Variants in PID1 observed in about 807,000 individuals in gnomAD.
PID1 encodes phosphotyrosine interaction domain containing 1, also known as PTB-containing, cubilin and LRP1-interacting protein.
A neutral mutation model predicts 19.1 loss-of-function variants in PID1; 10 were observed. The observed-to-expected ratio is 0.52, with a 90% confidence interval of 0.32 to 0.89. The LOEUF (loss-of-function observed/expected upper bound fraction) is 0.89, where lower values mean the gene tolerates loss of function less well. Among genes scored for constraint, PID1 ranks in the 40% least tolerant of loss-of-function variants. The pLI, the probability that PID1 is intolerant of heterozygous loss-of-function variation, is 0.03. For synonymous variants in PID1, 130 were observed against 116.0 expected (o/e 1.12, Z -0.78); for missense variants, 248 against 285.3 (o/e 0.87, Z 0.94).
intron 2 of PID1, among the ~76,000 whole-genome samples, chr2:229,092,637 T>C (rs1229596766): frequency 2.0e-5 from 3 of 152,142 alleles, no homozygotes; most frequent in African/African-American, 7.2e-5. Context: ...CCTTTCCTTT[T>C]TCCAAGTGCT....
intron 1 of PID1, among the ~76,000 whole-genome samples, chr2:229,269,943 G>T (rs1164785538): frequency 6.6e-6 from 1 of 152,166 alleles, no homozygotes; most frequent in Non-Finnish European, 1.5e-5. Flanking sequence ...GCCCTCTGCG[G>T]GTTGTTCCTC....
intron 1 of PID1, among the ~76,000 whole-genome samples, chr2:229,225,366 C>T (rs1019311339): frequency 2.0e-5 from 3 of 152,142 alleles, no homozygotes; most frequent in African/African-American, 4.8e-5. Context: ...GGTCATTCTC[C>T]ATCCTCTATG....
chr2:229,088,003 G>A (rs1313373535), intron 2 of PID1, among the ~76,000 whole-genome samples: 1 of 152,070 alleles, frequency 6.6e-6, no homozygotes, highest in East Asian at 1.9e-4. Context: ...GCACTCTGCA[G>A]AAATCCCAGA....
At chr2:229,097,501 C>T (rs4972885) in intron 2 of PID1, among the ~76,000 whole-genome samples, 33,323 of 152,020 alleles carry the variant, frequency 0.22, 4,005 homozygotes, top group Admixed American at 0.29. Flanking sequence ...GTTACCTCCA[C>T]TGAAAGCATA....
At chr2:229,194,722 G>A (rs1691336395) in intron 1 of PID1, among the ~76,000 whole-genome samples, 1 of 152,020 alleles carries the variant, frequency 6.6e-6, no homozygotes, top group Non-Finnish European at 1.5e-5. Flanking sequence ...GTTAATGTAT[G>A]TGAGTGAGTG....
intron 1 of PID1, among the ~76,000 whole-genome samples, chr2:229,181,051 T>C (rs547282131): frequency 6.6e-6 from 1 of 152,228 alleles, no homozygotes; most frequent in South Asian, 2.1e-4. Context: ...CTCTACACTT[T>C]GTCTCTGTGT....
At position 229,063,048 on chromosome 2, in the gene PID1, G is replaced by A. The variant is rs572352073; in HGVS notation, c.178-36940C>T. Reference sequence around the variant, plus strand: ...GTCTGGCTAAAGGTTTATTGATTTTGTTTACCTTTTCAAAGAACCAAACTT... The same window carrying A: ...GTCTGGCTAAAGGTTTATTGATTTTATTTACCTTTTCAAAGAACCAAACTT... On this transcript the variant is annotated intron_variant, in intron 2 of 2. Transcript: ENST00000392055. Among the ~76,000 whole-genome samples the A allele has an allele frequency of 3.4e-4, 52 of 151,802 alleles. 1 individual carries two copies. The Middle Eastern group carries it at 0.01, about 30-fold the overall frequency.
At chr2:229,176,707 C>T (rs1329681041) in intron 1 of PID1, among the ~76,000 whole-genome samples, 2 of 152,166 alleles carry the variant, frequency 1.3e-5, no homozygotes, top group Non-Finnish European at 2.9e-5. Context: ...GTACGACAGA[C>T]ATCATCATAT....
At chr2:229,087,104 A>G (rs1376047772) in intron 2 of PID1, among the ~76,000 whole-genome samples, 1 of 152,202 alleles carries the variant, frequency 6.6e-6, no homozygotes, top group Non-Finnish European at 1.5e-5. Context: ...ATTGTGCTCA[A>G]TGTTGATCAA....
At chr2:229,236,840 C>A (rs1689704835) in intron 1 of PID1, among the ~76,000 whole-genome samples, 1 of 152,042 alleles carries the variant, frequency 6.6e-6, no homozygotes, top group Non-Finnish European at 1.5e-5. Flanking sequence ...CAAACCAGCA[C>A]AATACCTCTT....
At chr2:229,057,584 G>C (rs2106189943) in intron 2 of PID1, among the ~76,000 whole-genome samples, 1 of 142,146 alleles carries the variant, frequency 7.0e-6, no homozygotes, top group Admixed American at 7.5e-5. Context: ...TTTTGATACT[G>C]TGATAACTAA....
intron 1 of PID1, among the ~76,000 whole-genome samples, chr2:229,224,720 G>C (rs1692041959): frequency 6.6e-6 from 1 of 151,736 alleles, no homozygotes; most frequent in East Asian, 1.9e-4. Flanking sequence ...CATAAACATG[G>C]CTTTTGTTTT....
At chr2:229,136,618 G>A (rs529419948) in intron 2 of PID1, among the ~76,000 whole-genome samples, 12 of 152,172 alleles carry the variant, frequency 7.9e-5, no homozygotes, top group African/African-American at 2.9e-4. Context: ...ACTGAATTAA[G>A]GATAATGAAC....
At chr2:229,232,166 G>T in intron 1 of PID1, 1 of 1,422,262 alleles carries the variant, frequency 7.0e-7, no homozygotes. Context: ...GCTCACGCCT[G>T]TAATCCCAGC....
chr2:229,208,332 CT>C (rs1025587602), intron 1 of PID1, among the ~76,000 whole-genome samples: 1 of 152,214 alleles, frequency 6.6e-6, no homozygotes, highest in African/African-American at 2.4e-5. Context: ...TAGATCACCA[CT>C]TTATCTTGCA....
At chr2:229,098,463 C>T (rs1406609840) in intron 2 of PID1, among the ~76,000 whole-genome samples, 1 of 152,172 alleles carries the variant, frequency 6.6e-6, no homozygotes, top group Admixed American at 6.5e-5. Context: ...ATCTAAAGCA[C>T]ATTAAATATT....
At chr2:229,056,611 TAA>T (rs1491540883) in intron 2 of PID1, among the ~76,000 whole-genome samples, 3 of 122,594 alleles carry the variant, frequency 2.4e-5, no homozygotes, top group Non-Finnish European at 1.9e-5. Flanking sequence ...TAAATAAAAA[TAA>T]TATATATATA....
chr2:229,131,082 CTCTATTT>C (rs1689729334), intron 2 of PID1, among the ~76,000 whole-genome samples: 1 of 152,188 alleles, frequency 6.6e-6, no homozygotes, highest in Non-Finnish European at 1.5e-5. Flanking sequence ...TCTTCAGTTA[CTCTATTT>C]CCAAATATGC....
intron 2 of PID1, among the ~76,000 whole-genome samples, chr2:229,069,143 T>TTTTGTGTGTGTGTG (rs369977117): frequency 2.1e-5 from 3 of 140,708 alleles, no homozygotes; most frequent in African/African-American, 8.0e-5. Flanking sequence ...AGAAGGGTTT[T>TTTTGTGTGTGTGTG]TGTGTGTGTG....
Sources: gnomAD v4.1 joint callset for allele counts (sites outside exome capture counted in the v4.1 genomes callset) on GRCh38, gnomAD v4.1.1 for gene constraint, MANE v1.5 for transcripts, NCBI Gene and HGNC (gene_info 2026-07-23, HGNC 2026-07-21) for gene names.